The following SGCZ variants were observed in gnomAD, a reference collection of about 807,000 sequenced individuals.
SGCZ encodes sarcoglycan zeta.
A neutral mutation model predicts 41.3 loss-of-function variants in SGCZ; 40 were observed. The observed-to-expected ratio is 0.97, with a 90% CI of 0.75 to 1.26. SGCZ has a LOEUF of 1.26. Among genes scored for constraint, SGCZ ranks in the 50% most tolerant of loss-of-function variants. SGCZ has a pLI of 0.00. For missense variants in SGCZ, 552 were observed against 369.8 expected (o/e 1.49, Z -4.04); for synonymous variants, 206 against 137.5 (o/e 1.50, Z -3.49).
chr8:14,790,502 G>A (rs1800915548), intron 1 of SGCZ, among the ~76,000 whole-genome samples: 1 of 151,898 alleles, frequency 6.6e-6, no homozygotes, highest in Admixed American at 6.6e-5. Flanking sequence ...TTTTTAGGTT[G>A]GAAAATAGTC....
intron 1 of SGCZ, among the ~76,000 whole-genome samples, chr8:15,156,494 C>A (rs1188725462): frequency 1.3e-5 from 2 of 152,258 alleles, no homozygotes; most frequent in Non-Finnish European, 2.9e-5. Context: ...TGAAAAGCTG[C>A]AGAGTTCTTG....
rs58761860 is a variant in SGCZ, at chr8:14,223,548, A to AT, written c.424+14043dup. ...CACATCTAGACCAATATATATATAT[A>AT]TTTTAACAGAATTAGTGAGCTGTTG... On this transcript the variant is annotated intron_variant, in intron 4 of 7. Transcript: ENST00000382080. Among the ~76,000 whole-genome samples the AT allele has an allele frequency of 4.1e-4, 63 of 152,166 alleles. 1 individual carries two copies. Among genetic ancestry groups the AT allele is most frequent in the Admixed American group, 2.0e-3 (30 of 15,260 alleles).
At chr8:15,094,979 C>G (rs1399672686) in intron 1 of SGCZ, among the ~76,000 whole-genome samples, 1 of 152,176 alleles carries the variant, frequency 6.6e-6, no homozygotes, top group Non-Finnish European at 1.5e-5. Flanking sequence ...TGAGAACTGA[C>G]TAGTACAAGG....
intron 1 of SGCZ, among the ~76,000 whole-genome samples, chr8:14,605,947 A>G (rs1805734649): frequency 6.6e-6 from 1 of 152,052 alleles, no homozygotes; most frequent in Non-Finnish European, 1.5e-5. Flanking sequence ...ATATAATTAA[A>G]TAATGGCAGT....
At chr8:15,079,834 T>C (rs537750432) in intron 1 of SGCZ, among the ~76,000 whole-genome samples, 3 of 152,274 alleles carry the variant, frequency 2.0e-5, no homozygotes, top group African/African-American at 7.2e-5. Flanking sequence ...ATCGCCCAAG[T>C]AGGGAACATA....
At position 15,067,985 on chromosome 8, in the gene SGCZ, C is replaced by T. The variant is rs10888102; in HGVS notation, c.39+169600G>A. On this transcript the variant is annotated intron_variant, in intron 1 of 7. Transcript: ENST00000382080. Reference sequence around the variant, plus strand: ...ATGTTAATTATGAAAATTATGTTCTCGGCACAGAGTACCATGCAAAAGGCC... The same window carrying T: ...ATGTTAATTATGAAAATTATGTTCTTGGCACAGAGTACCATGCAAAAGGCC... Among the ~76,000 whole-genome samples, 507 of 152,156 alleles carry T rather than the reference C, an allele frequency of 3.3e-3. 4 individuals are homozygous for T. The highest frequency in any genetic ancestry group is 0.011 in the African/African-American group (477 of 41,498).
intron 1 of SGCZ, among the ~76,000 whole-genome samples, chr8:14,958,144 A>G (rs890072320): frequency 6.6e-6 from 1 of 152,058 alleles, no homozygotes; most frequent in African/African-American, 2.4e-5. Flanking sequence ...TTTTTATTTG[A>G]AATTTTTTCT....
intron 1 of SGCZ, among the ~76,000 whole-genome samples, chr8:14,663,776 T>G (rs1807826152): frequency 1.3e-5 from 2 of 152,176 alleles, no homozygotes; most frequent in Middle Eastern, 3.2e-3. Flanking sequence ...AATGTCTAAA[T>G]GAAAGTAGAT....
intron 1 of SGCZ, among the ~76,000 whole-genome samples, chr8:14,887,215 T>C (rs1343948111): frequency 6.6e-6 from 1 of 152,218 alleles, no homozygotes; most frequent in African/African-American, 2.4e-5. Flanking sequence ...GTCCTCATCA[T>C]AGAGATTATA....
At chr8:14,849,553 T>C (rs1053673328) in intron 1 of SGCZ, among the ~76,000 whole-genome samples, 7 of 152,162 alleles carry the variant, frequency 4.6e-5, no homozygotes, top group African/African-American at 1.7e-4. Flanking sequence ...AGAGAACATA[T>C]TGTATGATTT....
chr8:14,962,026 A>T (rs1800982735), intron 1 of SGCZ, among the ~76,000 whole-genome samples: 1 of 152,158 alleles, frequency 6.6e-6, no homozygotes, highest in South Asian at 2.1e-4. Context: ...AATTAATCTG[A>T]AAAACTTTAA....
At chr8:15,101,075 A>G (rs1217024214) in intron 1 of SGCZ, among the ~76,000 whole-genome samples, 1 of 152,204 alleles carries the variant, frequency 6.6e-6, no homozygotes, top group Non-Finnish European at 1.5e-5. Context: ...GAATCTAGAC[A>G]TACGACTTAT....
At chr8:14,741,283 C>T (rs1799190759) in intron 1 of SGCZ, among the ~76,000 whole-genome samples, 1 of 152,028 alleles carries the variant, frequency 6.6e-6, no homozygotes, top group Non-Finnish European at 1.5e-5. Context: ...TTGACATCTA[C>T]AAAAATTAAG....
intron 2 of SGCZ, among the ~76,000 whole-genome samples, chr8:14,336,796 T>C (rs1236721529): frequency 1.3e-5 from 2 of 152,160 alleles, no homozygotes; most frequent in African/African-American, 4.8e-5. Flanking sequence ...AGTAATCATC[T>C]CTCAACTGGA....
chr8:14,616,269 C>G (rs185710855), intron 1 of SGCZ, among the ~76,000 whole-genome samples: 1 of 143,896 alleles, frequency 6.9e-6, no homozygotes, highest in Non-Finnish European at 1.5e-5. Flanking sequence ...GGCCACAGAG[C>G]GAGACTCTGT....
intron 2 of SGCZ, among the ~76,000 whole-genome samples, chr8:14,427,048 ATGAATGAATGAATGAATGAG>A (rs1367643118): frequency 4.2e-5 from 6 of 142,986 alleles, no homozygotes; most frequent in South Asian, 4.3e-4. Context: ...GAATGAATGA[ATGAATGAATGAATGAATGAG>A]TGAATGAACG....
intron 1 of SGCZ, among the ~76,000 whole-genome samples, chr8:14,771,429 T>G (rs1301694771): frequency 6.6e-6 from 1 of 152,178 alleles, no homozygotes; most frequent in Non-Finnish European, 1.5e-5. Flanking sequence ...CTCCCTTAAC[T>G]GTACTTTCAA....
chr8:14,335,398 T>C (rs6994149), intron 2 of SGCZ, among the ~76,000 whole-genome samples: 30,669 of 152,034 alleles, frequency 0.2, 3,822 homozygotes, highest in Non-Finnish European at 0.29. Context: ...GAATTTTTTT[T>C]CCTAAAACAT....
chr8:14,206,671 T>C (rs530192634), intron 4 of SGCZ, among the ~76,000 whole-genome samples: 2 of 152,314 alleles, frequency 1.3e-5, no homozygotes, highest in Admixed American at 6.5e-5. Context: ...TCTGTTTATA[T>C]AACAAGCAGT....
Sources: gnomAD v4.1 joint callset for allele counts (sites outside exome capture counted in the v4.1 genomes callset) on GRCh38, gnomAD v4.1.1 for gene constraint, MANE v1.5 for transcripts, NCBI Gene and HGNC (gene_info 2026-07-23, HGNC 2026-07-21) for gene names.